Variants in RBM27 observed in about 807,000 individuals in gnomAD.
RBM27 encodes RNA binding motif protein 27, also known as RNA-binding protein 27.
In RBM27, 22 loss-of-function variants were observed where a neutral mutation model predicts 135.3. The ratio of observed to expected loss-of-function variants is 0.16; its 90% CI spans 0.12 to 0.23. The LOEUF is 0.23. RBM27 is among the 10% of genes least tolerant of loss of function. RBM27 has a pLI of 1.00. For synonymous variants in RBM27, 481 were observed against 442.4 expected, an observed-to-expected ratio of 1.09 and a Z score of -1.10; for missense variants, 1,009 against 1,281.0, an observed-to-expected ratio of 0.79 and a Z score of 3.24.
At chr5:146,263,714 A>G (rs1758492959) in intron 14 of RBM27, 83 bp downstream of exon 14, 17 of 1,485,088 alleles carry the variant, frequency 1.1e-5, no homozygotes, top group African/African-American at 4.2e-5. Flanking sequence ...CAGACAGTGA[A>G]GACAGTTGTG....
intron 19 of RBM27, among the ~76,000 whole-genome samples, chr5:146,283,575 G>C (rs914884626): frequency 6.6e-6 from 1 of 152,046 alleles, no homozygotes; most frequent in Non-Finnish European, 1.5e-5. Context: ...ATATTTGGTA[G>C]GGCTATTTTG....
intron 11 of RBM27, among the ~76,000 whole-genome samples, chr5:146,259,365 G>A (rs1758263210): frequency 6.6e-6 from 1 of 151,842 alleles, no homozygotes; most frequent in African/African-American, 2.4e-5. Flanking sequence ...TTAGCCAGGT[G>A]TGGTGGCACG....
intron 3 of RBM27, 42 bp downstream of exon 3, chr5:146,223,569 TC>T (rs1370210965): frequency 6.3e-7 from 1 of 1,577,074 alleles, no homozygotes; most frequent in South Asian, 1.2e-5. Context: ...GCTTCTTAGA[TC>T]CTGTCACCAG....
At chr5:146,233,361 A>G in intron 6 of RBM27, 89 bp from the exon 7 acceptor site, 1 of 1,472,166 alleles carries the variant, frequency 6.8e-7, no homozygotes, top group Non-Finnish European at 9.0e-7. Context: ...TGTAAATGAG[A>G]TTGGTGGGTT....
intron 1 of RBM27, among the ~76,000 whole-genome samples, chr5:146,204,261 G>A (rs1027653743): frequency 6.6e-6 from 1 of 152,188 alleles, no homozygotes; most frequent in African/African-American, 2.4e-5. Flanking sequence ...GAAAGGTCTA[G>A]AAGCAAAATA....
chr5:146,256,594 A>G (rs1196229002), intron 10 of RBM27, among the ~76,000 whole-genome samples: 2 of 151,782 alleles, frequency 1.3e-5, no homozygotes, highest in Non-Finnish European at 1.5e-5. Flanking sequence ...CAGGTGATCC[A>G]GATCTCACCT....
chr5:146,228,889 A>G, intron 3 of RBM27, 57 bp from the exon 4 acceptor site: 2 of 1,403,130 alleles, frequency 1.4e-6, no homozygotes, highest in Non-Finnish European at 2.0e-6. Flanking sequence ...TTGGGATTAC[A>G]GGTGTGAGCC....
chr5:146,255,865 T>G (rs1758078573), intron 10 of RBM27, among the ~76,000 whole-genome samples: 1 of 151,924 alleles, frequency 6.6e-6, no homozygotes, highest in Non-Finnish European at 1.5e-5. Context: ...CTTCTTCTTT[T>G]TTTTTTTTGA....
intron 7 of RBM27, among the ~76,000 whole-genome samples, chr5:146,236,782 C>T (rs1313618384): frequency 1.3e-5 from 2 of 151,948 alleles, no homozygotes; most frequent in African/African-American, 4.8e-5. Context: ...TGCCACCACA[C>T]CCAGCTTATT....
At chr5:146,231,903 C>G (rs1756950800) in intron 6 of RBM27, among the ~76,000 whole-genome samples, 1 of 152,242 alleles carries the variant, frequency 6.6e-6, no homozygotes, top group African/African-American at 2.4e-5. Flanking sequence ...GTGTGAGCCA[C>G]CATGCCCAGC....
intron 1 of RBM27, among the ~76,000 whole-genome samples, chr5:146,206,201 C>A (rs144572828): frequency 6.6e-6 from 1 of 151,706 alleles, no homozygotes; most frequent in Non-Finnish European, 1.5e-5. Flanking sequence ...CATTTTATGT[C>A]TTGGATAGAA....
At position 146,270,989 on chromosome 5, in the gene RBM27, C is replaced by T. The variant is rs1372482341; in HGVS notation, c.2727C>T (p.Leu909=). 9 of 1,613,568 alleles carry T rather than the reference C, an allele frequency of 5.6e-6. No homozygotes were observed. Among genetic ancestry groups the T allele is most frequent in the Non-Finnish European group, 8.5e-7 (1 of 1,179,646 alleles). The part of the protein sequence containing the change: ...QKELLDTELD[L]HKRLSSGEDT... ...AGTTATTAGATACTGAACTGGACCT[C>T]CACAAGAGGCTGTCCTCAGGAGAAG... Residue 909 remains leucine, a synonymous_variant, in exon 18 of 21, where the codon CTC becomes CTT. Transcript: ENST00000265271.
rs1759504070 is a variant in RBM27 at position 146,284,514 on chromosome 5, CAGATTTCT to C, written c.2989-107_2989-100del. ...ATTGGAGATTGTAGATCCACCTTAA[CAGATTTCT>C]CTCCTGCCCTATGTTATACTTTTTA... On this transcript the variant is annotated intron_variant, in intron 19 of 20. Transcript: ENST00000265271. 4 of 747,678 alleles carry C rather than the reference CAGATTTCT, an allele frequency of 5.3e-6. No homozygotes were observed. In the Admixed American group the frequency reaches 9.3e-5, roughly 17 times the overall value. The allele number at this position is 747,678 out of a possible 1,614,324, so 46.3% of individuals were successfully genotyped here.
chr5:146,248,978 TTTAA>T (rs1432796862), intron 8 of RBM27, among the ~76,000 whole-genome samples: 1 of 152,152 alleles, frequency 6.6e-6, no homozygotes, highest in Non-Finnish European at 1.5e-5. Context: ...ATTTCTATTT[TTTAA>T]TTAATTTTTT....
chr5:146,288,808 ATGT>A lies in RBM27; in HGVS notation c.*2783_*2785del, dbSNP rs1311854640. ...AATTTCTTTATGTAACATTGAAGAA[ATGT>A]TGTTACCAGCTAAGATGATAAATTG... On this transcript the variant is annotated 3_prime_UTR_variant, in exon 21 of 21. Transcript: ENST00000265271. 2 of 152,104 alleles carry A rather than the reference ATGT, an allele frequency of 1.3e-5. No homozygotes were observed. The highest frequency in any genetic ancestry group is 6.6e-5 in the Admixed American group (1 of 15,252). The allele number at this position is 152,104 out of a possible 1,614,324, so 9.4% of individuals were successfully genotyped here.
intron 1 of RBM27, among the ~76,000 whole-genome samples, chr5:146,212,949 A>AT (rs1431149282): frequency 6.6e-6 from 1 of 152,124 alleles, no homozygotes; most frequent in African/African-American, 2.4e-5. Flanking sequence ...CCTTGGCACT[A>AT]TTTTTTTGTT....
chr5:146,222,992 A>AT lies in RBM27; in HGVS notation c.179-404dup, dbSNP rs1204576464. 5.9e-5 allele frequency among the ~76,000 whole-genome samples: 9 copies of AT among 152,132 alleles called. No individual in the cohort carries two copies. The South Asian group carries it at 1.9e-3, about 32-fold the overall frequency. On this transcript the variant is annotated intron_variant, in intron 2 of 20. Transcript: ENST00000265271. ...AGAGTACACAATTTTGTCAGTTTTT[A>AT]TTTTTTTCAGTTTCTTTATGCAGAT...
At chr5:146,276,477 C>T (rs1759098253) in intron 19 of RBM27, among the ~76,000 whole-genome samples, 1 of 152,164 alleles carries the variant, frequency 6.6e-6, no homozygotes, top group African/African-American at 2.4e-5. Flanking sequence ...ATTCCTGGAA[C>T]TTCATATGAG....
chr5:146,254,646 T>C (rs189792653), intron 9 of RBM27, among the ~76,000 whole-genome samples: 100 of 152,280 alleles, frequency 6.6e-4, no homozygotes, highest in Non-Finnish European at 9.1e-4. Flanking sequence ...TTACGTAGCA[T>C]TTATATTATG....
Sources: allele counts gnomAD v4.1 joint callset (sites outside exome capture counted in the v4.1 genomes callset), GRCh38; gene constraint gnomAD v4.1.1; transcripts MANE v1.5; gene names NCBI Gene and HGNC (gene_info 2026-07-23, HGNC 2026-07-21).